Variants in VPS13B observed in about 807,000 individuals in gnomAD.
VPS13B encodes vacuolar protein sorting 13 homolog B.
Under a neutral mutation model 426.4 loss-of-function variants are expected in VPS13B, and 285 were observed. The ratio of observed to expected loss-of-function variants is 0.67; its 90% confidence interval spans 0.61 to 0.74. The LOEUF (loss-of-function observed/expected upper bound fraction) is 0.74. Among genes scored for constraint, VPS13B ranks in the 30% least tolerant of loss-of-function variants. The pLI is 0.00. For synonymous variants in VPS13B, 1,676 were observed against 1,676.4 expected (o/e 1.00, Z 0.01); for missense variants, 4,537 against 4,782.6 (o/e 0.95, Z 1.51).
intron 17 of VPS13B, among the ~76,000 whole-genome samples, chr8:99,235,215 A>G (rs1191331766): frequency 1.3e-5 from 2 of 152,196 alleles, no homozygotes; most frequent in Non-Finnish European, 2.9e-5. Context: ...CTTTGTTACT[A>G]CAAATATGTA....
intron 36 of VPS13B, among the ~76,000 whole-genome samples, chr8:99,702,983 C>T (rs776584622): frequency 6.6e-6 from 1 of 151,966 alleles, no homozygotes; most frequent in African/African-American, 2.4e-5. Context: ...TTTGATTTCA[C>T]CTAATGATTA....
intron 34 of VPS13B, among the ~76,000 whole-genome samples, chr8:99,656,053 G>T (rs754675445): frequency 6.6e-6 from 1 of 152,162 alleles, no homozygotes; most frequent in East Asian, 1.9e-4. Context: ...GAACTGAGTT[G>T]GGGCTTTCTG....
chr8:99,558,803 C>G (rs544002322), intron 31 of VPS13B, among the ~76,000 whole-genome samples: 178 of 152,320 alleles, frequency 1.2e-3, no homozygotes, highest in African/African-American at 3.9e-3. Context: ...TTAATCCAGT[C>G]TATCATTGAT....
At chr8:99,772,028 G>A (rs559568930) in intron 40 of VPS13B, among the ~76,000 whole-genome samples, 1 of 152,324 alleles carries the variant, frequency 6.6e-6, no homozygotes, top group Admixed American at 6.5e-5. Flanking sequence ...TTTAGGTGGT[G>A]ATTGAACTCT....
At chr8:99,192,258 A>T (rs1398960390) in intron 16 of VPS13B, among the ~76,000 whole-genome samples, 1 of 152,200 alleles carries the variant, frequency 6.6e-6, no homozygotes, top group Non-Finnish European at 1.5e-5. Flanking sequence ...TTTAAAAATA[A>T]TTTTCCATGT....
intron 3 of VPS13B, among the ~76,000 whole-genome samples, chr8:99,093,575 T>C (rs984431958): frequency 4.4e-5 from 6 of 137,664 alleles, no homozygotes; most frequent in African/African-American, 1.6e-4. Flanking sequence ...TTCCCCTTCC[T>C]GTGTCCATGT....
chr8:99,679,811 G>A (rs1447489976), intron 35 of VPS13B, among the ~76,000 whole-genome samples: 3 of 152,128 alleles, frequency 2.0e-5, no homozygotes, highest in South Asian at 4.1e-4. Context: ...CTTGTCCACT[G>A]TCATCATGAA....
intron 60 of VPS13B, 103 bp downstream of exon 60, chr8:99,870,990 A>G (rs1471050346): frequency 3.4e-6 from 4 of 1,187,094 alleles, no homozygotes; most frequent in Non-Finnish European, 3.7e-6. Flanking sequence ...GGAGCCCAGG[A>G]GTAGCCATTG....
intron 21 of VPS13B, among the ~76,000 whole-genome samples, chr8:99,420,654 C>T (rs1279530263): frequency 1.3e-5 from 2 of 152,140 alleles, no homozygotes; most frequent in Non-Finnish European, 2.9e-5. Flanking sequence ...CCATTAGCCA[C>T]TACTCTTTCT....
At chr8:99,822,740 A>G (rs1409509483) in intron 50 of VPS13B, among the ~76,000 whole-genome samples, 1 of 152,106 alleles carries the variant, frequency 6.6e-6, no homozygotes, top group Non-Finnish European at 1.5e-5. Context: ...AGAACCCCCA[A>G]AGACCTTTTG....
chr8:99,533,021 C>A (rs1300322682), intron 30 of VPS13B, among the ~76,000 whole-genome samples: 1 of 149,306 alleles, frequency 6.7e-6, no homozygotes, highest in African/African-American at 2.5e-5. Context: ...CTCACTGCAG[C>A]CTCCACCTCC....
chr8:99,424,516 A>G (rs1177653725), intron 21 of VPS13B: 1 of 152,260 alleles, frequency 6.6e-6, no homozygotes, highest in Non-Finnish European at 1.5e-5. Context: ...ATTAACGAGA[A>G]CAAAGACACA....
intron 33 of VPS13B, among the ~76,000 whole-genome samples, chr8:99,640,086 GAAAAGAAAAGAAAAGAAAAGAA>G (rs1829289634): frequency 1.4e-5 from 2 of 147,570 alleles, no homozygotes; most frequent in African/African-American, 5.0e-5. Flanking sequence ...GAAAAGAAAA[GAAAAGAAAAGAAAAGAAAAGAA>G]AAGAAGAAGA....
chr8:99,874,397 T>G (rs747893405), intron 61 of VPS13B, among the ~76,000 whole-genome samples: 1 of 152,208 alleles, frequency 6.6e-6, no homozygotes, highest in Non-Finnish European at 1.5e-5. Flanking sequence ...ATTCCTTACT[T>G]ATTCTTCTAG....
intron 39 of VPS13B, among the ~76,000 whole-genome samples, chr8:99,737,488 A>G: frequency 6.6e-6 from 1 of 152,080 alleles, no homozygotes; most frequent in East Asian, 1.9e-4. Flanking sequence ...TATTTTTGAA[A>G]TCACCTCTTG....
intron 55 of VPS13B, among the ~76,000 whole-genome samples, chr8:99,851,978 G>C (rs1816317822): frequency 1.3e-5 from 2 of 152,144 alleles, no homozygotes; most frequent in African/African-American, 4.8e-5. Flanking sequence ...TCACATTAGA[G>C]ACACTGATGG....
intron 30 of VPS13B, among the ~76,000 whole-genome samples, chr8:99,545,543 A>G (rs1432070382): frequency 6.6e-6 from 1 of 152,162 alleles, no homozygotes; most frequent in East Asian, 1.9e-4. Flanking sequence ...ATTGGGCAGC[A>G]TAACTCTGGG....
chr8:99,034,940 A>T (rs1041862900), intron 2 of VPS13B, among the ~76,000 whole-genome samples: 1 of 152,166 alleles, frequency 6.6e-6, no homozygotes, highest in Non-Finnish European at 1.5e-5. Flanking sequence ...CGTGCCTGCA[A>T]TCCCAGCACT....
intron 34 of VPS13B, among the ~76,000 whole-genome samples, chr8:99,653,255 A>C (rs919501598): frequency 6.6e-6 from 1 of 152,202 alleles, no homozygotes; most frequent in Non-Finnish European, 1.5e-5. Flanking sequence ...TTAAAAGGGA[A>C]ACTTTCATTT....
Sources: allele counts gnomAD v4.1 joint callset (sites outside exome capture counted in the v4.1 genomes callset), GRCh38; gene constraint gnomAD v4.1.1; transcripts MANE v1.5; gene names NCBI Gene and HGNC (gene_info 2026-07-23, HGNC 2026-07-21).